The following ARK2N variants were observed in gnomAD, a reference collection of about 807,000 sequenced individuals.
The protein encoded by ARK2N is arkadia (RNF111) N-terminal like PKA signaling regulator 2N.
At chr18:46,266,501 T>A in the ARK2N span, 10 of 152,664 alleles carry the variant, frequency 6.6e-5, no homozygotes, top group Non-Finnish European at 8.8e-5. Flanking sequence ...CACTACTTAC[T>A]TCTTATTCTC....
chr18:46,186,457 G>A, the ARK2N span, among the ~76,000 whole-genome samples: 1 of 148,346 alleles, frequency 6.7e-6, no homozygotes, highest in Non-Finnish European at 1.5e-5. Context: ...GTCTCCCAAA[G>A]TGGTGGGATT....
the ARK2N span, among the ~76,000 whole-genome samples, chr18:46,221,057 GCC>G: frequency 2.0e-5 from 3 of 152,044 alleles, no homozygotes; most frequent in Admixed American, 1.3e-4. Flanking sequence ...GATTGCTTGA[GCC>G]CAGGAGGCAG....
the ARK2N span, among the ~76,000 whole-genome samples, chr18:46,253,053 A>T: frequency 6.6e-6 from 1 of 152,224 alleles, no homozygotes; most frequent in Non-Finnish European, 1.5e-5. Flanking sequence ...GTTACATTTC[A>T]GTTGCTCAGA....
chr18:46,188,226 G>T, the ARK2N span, among the ~76,000 whole-genome samples: 1 of 152,122 alleles, frequency 6.6e-6, no homozygotes, highest in South Asian at 2.1e-4. Flanking sequence ...TTGAGACAGA[G>T]TTTTGCTCTT....
chr18:46,178,641 C>T, the ARK2N span, among the ~76,000 whole-genome samples: 1 of 152,256 alleles, frequency 6.6e-6, no homozygotes, highest in Admixed American at 6.5e-5. Flanking sequence ...TTTTCTGGGG[C>T]TACGTGCAGT....
At chr18:46,216,893 A>G in the ARK2N span, 1 of 306,020 alleles carries the variant, frequency 3.3e-6, no homozygotes, top group South Asian at 4.9e-5. The surrounding 1 kb of genome is among the most constrained non-coding windows in gnomAD (Gnocchi z 4.3). Context: ...ACTCCCAATC[A>G]TTGCCTTTTT....
the ARK2N span, among the ~76,000 whole-genome samples, chr18:46,243,720 C>A: frequency 1.3e-5 from 2 of 152,094 alleles, no homozygotes; most frequent in South Asian, 4.2e-4. Context: ...GAACCAGTGG[C>A]CACTTAGAAA....
At chr18:46,227,562 T>C in the ARK2N span, among the ~76,000 whole-genome samples, 5 of 152,164 alleles carry the variant, frequency 3.3e-5, no homozygotes, top group Admixed American at 6.6e-5. Context: ...AGGATACATA[T>C]ATAAATATAT....
At chr18:46,211,940 T>C in the ARK2N span, among the ~76,000 whole-genome samples, 3 of 152,196 alleles carry the variant, frequency 2.0e-5, no homozygotes, top group Non-Finnish European at 2.9e-5. Context: ...CCTATTTTTT[T>C]CCCCTTGACC....
chr18:46,251,614 C>G, the ARK2N span, among the ~76,000 whole-genome samples: 3 of 152,080 alleles, frequency 2.0e-5, no homozygotes, highest in African/African-American at 7.2e-5. Flanking sequence ...GAAAAAGACC[C>G]ACAATCATAT....
At chr18:46,234,913 G>A in the ARK2N span, among the ~76,000 whole-genome samples, 2 of 152,092 alleles carry the variant, frequency 1.3e-5, no homozygotes, top group African/African-American at 4.8e-5. Context: ...TTTCCTCTAC[G>A]CTTTATTGTA....
At chr18:46,263,248 A>G in the ARK2N span, 1 of 895,810 alleles carries the variant, frequency 1.1e-6, no homozygotes, top group African/African-American at 1.7e-5. Context: ...AAACTCATGG[A>G]AAATTCCCTC....
At chr18:46,230,496 T>G in the ARK2N span, among the ~76,000 whole-genome samples, 1 of 152,242 alleles carries the variant, frequency 6.6e-6, no homozygotes, top group African/African-American at 2.4e-5. Flanking sequence ...ATTTGTACTC[T>G]ATGAAGGGTT....
At chr18:46,234,478 G>C in the ARK2N span, among the ~76,000 whole-genome samples, 1 of 152,182 alleles carries the variant, frequency 6.6e-6, no homozygotes, top group Middle Eastern at 3.4e-3. Flanking sequence ...GATTACAGGC[G>C]TGAGCCACTG....
the ARK2N span, chr18:46,262,871 T>A: frequency 6.5e-7 from 1 of 1,540,498 alleles, no homozygotes; most frequent in South Asian, 1.1e-5. Context: ...GGTCATATTG[T>A]CTTCTGTTTT....
the ARK2N span, among the ~76,000 whole-genome samples, chr18:46,209,289 A>AT: frequency 9.0e-6 from 1 of 111,434 alleles, no homozygotes; most frequent in Non-Finnish European, 1.8e-5. Flanking sequence ...ATACTTCTCC[A>AT]CTTTTTTTTT....
At chr18:46,263,947 A>G in the ARK2N span, 10 of 152,474 alleles carry the variant, frequency 6.6e-5, no homozygotes, top group African/African-American at 2.2e-4. Flanking sequence ...ACGGGTGAAC[A>G]TAGAAACCTG....
chr18:46,216,329 C>A, the ARK2N span: 25 of 1,613,948 alleles, frequency 1.5e-5, no homozygotes, highest in Non-Finnish European at 2.1e-5. This position sits in a 1 kb window ranked among gnomAD's most constrained non-coding sequence, Gnocchi z 4.3. Context: ...AGTGAAACTT[C>A]CACTATGGCT....
the ARK2N span, among the ~76,000 whole-genome samples, chr18:46,183,328 C>T: frequency 6.6e-6 from 1 of 152,206 alleles, no homozygotes; most frequent in South Asian, 2.1e-4. Flanking sequence ...TTCTCTGACC[C>T]CTGGGTTTCT....
Sources: gnomAD v4.1 joint callset for allele counts (sites outside exome capture counted in the v4.1 genomes callset) on GRCh38, gnomAD v4.1.1 for gene constraint, Gnocchi (gnomAD v3.1) non-coding constraint, MANE v1.5 for transcripts, NCBI Gene and HGNC (gene_info 2026-07-23, HGNC 2026-07-21) for gene names.